The following BPIFB6 variants were observed in gnomAD, a reference collection of about 807,000 sequenced individuals.
The protein encoded by BPIFB6 is BPI fold-containing family B member 6.
In BPIFB6, 47 loss-of-function variants were observed where a neutral mutation model predicts 54.7. The ratio of observed to expected loss-of-function variants is 0.86; its 90% CI spans 0.68 to 1.10. BPIFB6 has a LOEUF of 1.10. Ranked by LOEUF, BPIFB6 falls within the 50% of genes least tolerant of loss-of-function variation. The pLI is 0.00. For synonymous variants in BPIFB6, 255 were observed against 225.9 expected (o/e 1.13, Z -1.16); for missense variants, 603 against 564.1 (o/e 1.07, Z -0.70).
intron 13 of BPIFB6, 25 bp downstream of exon 13, chr20:33,042,903 C>T (rs1873475476): frequency 1.2e-6 from 2 of 1,608,322 alleles, no homozygotes; most frequent in Non-Finnish European, 1.7e-6. Flanking sequence ...AGGCTTTGGA[C>T]CATGGTGCCA....
chr20:33,032,846 G>A (rs1854693763), intron 1 of BPIFB6, 138 bp from the exon 2 acceptor site: 1 of 644,842 alleles, frequency 1.6e-6, no homozygotes, highest in Admixed American at 2.5e-5. Flanking sequence ...TCCCCCATTA[G>A]GCTGGGGCGC....
intron 8 of BPIFB6, 109 bp from the exon 9 acceptor site, chr20:33,038,800 T>C: frequency 9.6e-7 from 1 of 1,044,428 alleles, no homozygotes; most frequent in Non-Finnish European, 1.5e-6. Context: ...CGTTAAGTAT[T>C]GTGATGAAGG....
chr20:33,034,397 C>A, intron 3 of BPIFB6, 107 bp downstream of exon 3: 1 of 836,520 alleles, frequency 1.2e-6, no homozygotes, highest in South Asian at 1.4e-5. Flanking sequence ...GTGTTGTAAT[C>A]TGGGATGATG....
chr20:33,034,633 T>G, intron 3 of BPIFB6, 130 bp from the exon 4 acceptor site: 3 of 1,074,378 alleles, frequency 2.8e-6, no homozygotes, highest in South Asian at 1.6e-5. Context: ...CCCATCCCCT[T>G]TTCTGTCTTG....
At position 33,037,735 on chromosome 20, in the gene BPIFB6, A is replaced by G; in HGVS notation, c.843A>G (p.Thr281=). 6.2e-7 allele frequency: 1 copy of G among 1,614,046 alleles called. No individual in the cohort carries two copies. The highest frequency in any genetic ancestry group is 8.5e-7 in the Non-Finnish European group (1 of 1,179,970). Residue 281 remains threonine (T), a synonymous_variant, in exon 8 of 15, where the codon ACA becomes ACG. Transcript: ENST00000349552. ...CCTTTCATGTGAATATCCAGGATAC[A>G]ATGGTGAGCTGTCCAGTTCCCCATT... The part of the protein sequence containing the change: ...QKSFHVNIQD[T]MIGELPPQTT...
At chr20:33,038,358 T>G (rs1458652127) in intron 8 of BPIFB6, among the ~76,000 whole-genome samples, 1 of 152,080 alleles carries the variant, frequency 6.6e-6, no homozygotes, top group Admixed American at 6.6e-5. Context: ...TTTCCATCCA[T>G]CCTCCCATCC....
chr20:33,038,040 A>G (rs888372818), intron 8 of BPIFB6, among the ~76,000 whole-genome samples: 5 of 152,014 alleles, frequency 3.3e-5, no homozygotes, highest in African/African-American at 4.8e-5. Context: ...CCACCCACTC[A>G]TCTTTCTAGC....
chr20:33,035,856 G>A (rs1979317528), intron 6 of BPIFB6, among the ~76,000 whole-genome samples, 184 bp downstream of exon 6: 1 of 152,096 alleles, frequency 6.6e-6, no homozygotes. Flanking sequence ...AGGGAATCTG[G>A]GTTCCTTTTC....
Position 33,036,065 on chromosome 20 carries a change from C to G in BPIFB6, c.578-380C>G, listed in dbSNP as rs73904419. Reference sequence around the variant, plus strand: ...GGTCCCAAAGCAGGAGAGAGGAAACCTCAGTGACTGGAACTGAAGAAAACT... The same window carrying G: ...GGTCCCAAAGCAGGAGAGAGGAAACGTCAGTGACTGGAACTGAAGAAAACT... On this transcript the variant is annotated intron_variant, in intron 6 of 14. Coordinates refer to ENST00000349552, the MANE Select transcript of BPIFB6 (RefSeq NM_174897.2). Among the ~76,000 whole-genome samples the G allele has an allele frequency of 4.9e-3, 751 of 152,226 alleles. 8 individuals are homozygous for G. Among genetic ancestry groups the G allele is most frequent in the African/African-American group, 0.017 (721 of 41,536 alleles).
At chr20:33,042,590 G>A (rs977153123) in intron 12 of BPIFB6, among the ~76,000 whole-genome samples, 1 of 152,154 alleles carries the variant, frequency 6.6e-6, no homozygotes, top group African/African-American at 2.4e-5. Context: ...CTGCACCATG[G>A]CCCAAAGCCC....
intron 13 of BPIFB6, 43 bp downstream of exon 13, chr20:33,042,921 C>G (rs1424570148): frequency 1.3e-6 from 2 of 1,585,338 alleles, no homozygotes; most frequent in African/African-American, 2.7e-5. Flanking sequence ...CCAAGAAGCA[C>G]TTTAAGCAAT....
chr20:33,034,793 G>T lies in BPIFB6; in HGVS notation c.333G>T (p.Val111=), dbSNP rs1358381058. 6.2e-7 allele frequency: 1 copy of T among 1,613,256 alleles called. No homozygotes were observed. Among genetic ancestry groups the T allele is most frequent in the South Asian group, 1.1e-5 (1 of 91,008 alleles). The change falls in exon 4 of 15, where the codon GTG becomes GTT. Residue 111 remains valine, a synonymous_variant. Transcript: ENST00000349552. ...TGGGAGGGAACATGGAGATCATCGT[G>T]GCCCTGAACATCACAGCCACCAACC... ...SFMGGNMEII[V]ALNITATNRL...
At chr20:33,035,567 C>G in intron 5 of BPIFB6, 45 bp from the exon 6 acceptor site, 2 of 1,601,434 alleles carry the variant, frequency 1.2e-6, no homozygotes, top group Non-Finnish European at 1.7e-6. Flanking sequence ...TGTGGAGGCT[C>G]TCCATGCAGG....
intron 6 of BPIFB6, 79 bp downstream of exon 6, chr20:33,035,751 C>A: frequency 1.4e-6 from 2 of 1,416,036 alleles, no homozygotes; most frequent in South Asian, 1.2e-5. Flanking sequence ...ATTCCCCATC[C>A]TAGTGCCTGC....
chr20:33,039,842 C>A (rs565551109), intron 10 of BPIFB6, among the ~76,000 whole-genome samples: 1 of 152,220 alleles, frequency 6.6e-6, no homozygotes, highest in South Asian at 2.1e-4. Flanking sequence ...AAAGGGCTTC[C>A]AAGAGGAGGT....
rs530750363 is a variant in BPIFB6, at chr20:33,042,161, G to T, written c.1188+146G>T. 4.4e-5 allele frequency: 33 copies of T among 755,772 alleles called. No individual in the cohort carries two copies. In the African/African-American group the frequency reaches 5.6e-4, roughly 13 times the overall value. The allele number at this position is 755,772 out of a possible 1,614,324, so 46.8% of individuals were successfully genotyped here. ...AGGCGTGGCGCACCTGACTTGCCGT[G>T]TGAGCTTAGGAAAGTCCCTTAGCCT... On this transcript the variant is annotated intron_variant, in intron 12 of 14. Coordinates refer to ENST00000349552, the MANE Select transcript of BPIFB6 (RefSeq NM_174897.2).
intron 4 of BPIFB6, 79 bp downstream of exon 4, chr20:33,034,991 AC>A: frequency 6.2e-7 from 1 of 1,604,822 alleles, no homozygotes; most frequent in African/African-American, 1.3e-5. Context: ...GAGCCATGGA[AC>A]CCCCTTAACC....
At chr20:33,039,619 G>A (rs1979492318) in intron 10 of BPIFB6, 99 bp downstream of exon 10, 1 of 1,282,444 alleles carries the variant, frequency 7.8e-7, no homozygotes. Flanking sequence ...ATGGATCAGA[G>A]GGATCAGTTA....
intron 1 of BPIFB6, among the ~76,000 whole-genome samples, chr20:33,032,075 G>A (rs553219762): frequency 2.8e-4 from 43 of 152,312 alleles, no homozygotes; most frequent in African/African-American, 9.6e-4. Context: ...GCAACAACTT[G>A]CTGTGTGACC....
Sources: allele counts gnomAD v4.1 joint callset (sites outside exome capture counted in the v4.1 genomes callset), GRCh38; gene constraint gnomAD v4.1.1; transcripts MANE v1.5; gene names NCBI Gene and HGNC (gene_info 2026-07-23, HGNC 2026-07-21).